Variants in RBPJ observed in about 807,000 individuals in gnomAD.
The protein encoded by RBPJ is recombining binding protein suppressor of hairless.
A neutral mutation model predicts 67.8 loss-of-function variants in RBPJ; 9 were observed. That is an observed-to-expected ratio of 0.13 (90% confidence interval 0.08 to 0.23). RBPJ has a LOEUF of 0.23. RBPJ is among the 10% of genes least tolerant of loss of function. The pLI, the probability that RBPJ is intolerant of heterozygous loss-of-function variation, is 1.00. For synonymous variants in RBPJ, 198 were observed against 203.3 expected (o/e 0.97, Z 0.22); for missense variants, 305 against 595.6 (o/e 0.51, Z 5.08).
chr4:26,311,487 C>T (rs962798150), intron 1 of RBPJ, among the ~76,000 whole-genome samples: 5 of 150,770 alleles, frequency 3.3e-5, no homozygotes, highest in African/African-American at 4.9e-5. Flanking sequence ...TGCAGTGAGC[C>T]GAGATTGAGA....
intron 1 of RBPJ, among the ~76,000 whole-genome samples, chr4:26,225,152 C>G (rs916826752): frequency 6.6e-6 from 1 of 152,086 alleles, no homozygotes; most frequent in African/African-American, 2.4e-5. Context: ...TTTAACAGAA[C>G]CAGAGTTGGA....
At chr4:26,109,640 CTG>C in the RBPJ span, among the ~76,000 whole-genome samples, 123 of 23,400 alleles carry the variant, frequency 5.3e-3, 19 homozygotes, top group African/African-American at 0.015. Flanking sequence ...CTCTCTCTCT[CTG>C]TCTCTCTCTC....
chr4:26,126,739 C>T, the RBPJ span, among the ~76,000 whole-genome samples: 1 of 152,182 alleles, frequency 6.6e-6, no homozygotes, highest in African/African-American at 2.4e-5. Context: ...AAATTCCCTC[C>T]TAATGCAAAA....
At chr4:26,371,165 G>GT (rs1165911583) in intron 1 of RBPJ, among the ~76,000 whole-genome samples, 15 of 151,880 alleles carry the variant, frequency 9.9e-5, no homozygotes, top group South Asian at 6.2e-4. Flanking sequence ...TTACAGATCA[G>GT]TTTTTTTAAA....
In RBPJ at chr4:26,237,116, G is replaced by T. The variant is rs534320618; in HGVS notation, c.-167+73502G>T. Among the ~76,000 whole-genome samples, 30 of 152,228 alleles carry T rather than the reference G, an allele frequency of 2.0e-4. No homozygotes were observed. In the South Asian group the frequency reaches 3.7e-3, roughly 19 times the overall value. ...GGCTCCTGAGTACCAACAGCAGCTGGTTGGCCCTGGCAGACTCGATAGCTC... is the reference window on the plus strand; with the variant it reads ...GGCTCCTGAGTACCAACAGCAGCTGTTTGGCCCTGGCAGACTCGATAGCTC... On this transcript the variant is annotated intron_variant, in intron 1 of 4. Coordinates refer to the RBPJ transcript ENST00000512351.
chr4:26,365,873 G>A (rs1455009982), intron 1 of RBPJ, among the ~76,000 whole-genome samples: 2 of 152,222 alleles, frequency 1.3e-5, no homozygotes, highest in Non-Finnish European at 2.9e-5. Context: ...TGGCTTTTGA[G>A]TAACATTAAC....
chr4:26,113,650 G>T, the RBPJ span: 2 of 294,018 alleles, frequency 6.8e-6, no homozygotes, highest in Admixed American at 7.5e-5. Flanking sequence ...ACACACGAGA[G>T]AAATCCTTTG....
rs1020319832 is a variant in RBPJ at position 26,324,717 on chromosome 4, T to C, written c.20+3669T>C. Among the ~76,000 whole-genome samples the C allele has an allele frequency of 3.3e-5, 5 of 152,004 alleles. No homozygotes were observed. In the East Asian group the frequency reaches 9.6e-4, roughly 29 times the overall value. On this transcript the variant is annotated intron_variant, in intron 1 of 10. Transcript: ENST00000355476. ...GCTAATTTTGTATTTTTAGTAGACA[T>C]GGGGTTTCGCCATGTTGGCCAGGCT...
chr4:26,334,404 A>G (rs1226320887), intron 1 of RBPJ, among the ~76,000 whole-genome samples: 1 of 151,150 alleles, frequency 6.6e-6, no homozygotes, highest in Non-Finnish European at 1.5e-5. Context: ...CTACAGACCA[A>G]TTTTTAGGTT....
chr4:26,319,982 T>C (rs1722849370), upstream of RBPJ: 1 of 1,126,942 alleles, frequency 8.9e-7, no homozygotes, highest in Non-Finnish European at 1.3e-6. Flanking sequence ...TCAGGCCGCC[T>C]GAAGCGCGAT....
chr4:26,318,996 CAAAAAAAAAAAAAAA>C (rs201084739), upstream of RBPJ, among the ~76,000 whole-genome samples: 1 of 83,868 alleles, frequency 1.2e-5, no homozygotes, highest in South Asian at 6.5e-4. Flanking sequence ...GACTCCGTCT[CAAAAAAAAAAAAAAA>C]AAAAAAAAAA....
intron 1 of RBPJ, among the ~76,000 whole-genome samples, chr4:26,267,036 AG>A (rs1426302582): frequency 1.2e-4 from 18 of 152,184 alleles, no homozygotes; most frequent in Non-Finnish European, 2.5e-4. Context: ...CACTTTCTAG[AG>A]ATGCAGATGA....
intron 1 of RBPJ, among the ~76,000 whole-genome samples, chr4:26,328,366 C>A (rs1157704652): frequency 2.0e-5 from 3 of 152,042 alleles, no homozygotes; most frequent in Non-Finnish European, 2.9e-5. Context: ...TTGTGCTGGT[C>A]CTATAAAGAT....
chr4:26,374,517 C>T (rs1245736026), intron 1 of RBPJ, among the ~76,000 whole-genome samples: 1 of 151,412 alleles, frequency 6.6e-6, no homozygotes, highest in African/African-American at 2.4e-5. Context: ...GCTCTGTCAC[C>T]AGGCTGGAGT....
At chr4:26,289,754 A>T (rs1414333766) in intron 1 of RBPJ, among the ~76,000 whole-genome samples, 1 of 150,804 alleles carries the variant, frequency 6.6e-6, no homozygotes, top group East Asian at 2.0e-4. Context: ...GAAGAAGCTG[A>T]GGAAAGGTGG....
At chr4:26,166,616 G>C (rs537730952) in intron 1 of RBPJ, among the ~76,000 whole-genome samples, 35 of 151,984 alleles carry the variant, frequency 2.3e-4, no homozygotes, top group Middle Eastern at 6.8e-3. Context: ...TTCTGGATAT[G>C]AGCCCTATGT....
chr4:26,382,905 T>C (rs1412146881), intron 1 of RBPJ, among the ~76,000 whole-genome samples: 1 of 152,220 alleles, frequency 6.6e-6, no homozygotes, highest in African/African-American at 2.4e-5. Flanking sequence ...AATTTTCTTA[T>C]TCTTTCCATA....
At chr4:26,345,975 C>G (rs1326681762) in intron 1 of RBPJ, among the ~76,000 whole-genome samples, 1 of 152,134 alleles carries the variant, frequency 6.6e-6, no homozygotes, top group East Asian at 1.9e-4. Context: ...ACTAATCTTT[C>G]TCTTTTTAAA....
Position 26,228,530 on chromosome 4 carries a change from C to G in RBPJ, c.-167+64916C>G, listed in dbSNP as rs201474215. 1.8e-4 allele frequency among the ~76,000 whole-genome samples: 27 copies of G among 152,244 alleles called. No homozygotes were observed. In the East Asian group the frequency reaches 4.1e-3, roughly 23 times the overall value. On this transcript the variant is annotated intron_variant, in intron 1 of 4. Transcript: ENST00000512351. Reference sequence around the variant, plus strand: ...AATTCCGATTTCATTCTACATTTTTCAAGGTTCTTAATTCAAGCCTGTATT... The same window carrying G: ...AATTCCGATTTCATTCTACATTTTTGAAGGTTCTTAATTCAAGCCTGTATT...
Sources: allele counts gnomAD v4.1 joint callset (sites outside exome capture counted in the v4.1 genomes callset), GRCh38; gene constraint gnomAD v4.1.1; transcripts MANE v1.5; gene names NCBI Gene and HGNC (gene_info 2026-07-23, HGNC 2026-07-21).